Variants in GPHN observed in about 807,000 individuals in gnomAD.
GPHN encodes gephyrin.
GPHN carries 17 observed loss-of-function variants against 95.5 expected under a neutral mutation model. The ratio of observed to expected loss-of-function variants is 0.18; its 90% confidence interval spans 0.12 to 0.27. The LOEUF is 0.27. GPHN is among the 10% of genes least tolerant of loss of function. The probability of loss-of-function intolerance (pLI) is 1.00; values close to 1 mark genes in which losing one functional copy is unlikely to be tolerated. For missense variants in GPHN, 660 were observed against 978.1 expected (o/e 0.67, Z 4.34); for synonymous variants, 320 against 322.5 (o/e 0.99, Z 0.08).
chr14:66,690,272 T>A lies in GPHN; in HGVS notation c.143+9087T>A, dbSNP rs1214158609. 4.6e-5 allele frequency among the ~76,000 whole-genome samples: 7 copies of A among 152,272 alleles called. No homozygotes were observed. The East Asian group carries it at 1.2e-3, about 25-fold the overall frequency. On this transcript the variant is annotated intron_variant, in intron 2 of 22. Transcript: ENST00000478722. ...TTTCAAGAAATTTGAAATTTTTTTC[T>A]TAATTTTTTTATTGACCCACGTTCA...
chr14:67,472,714 G>A, the GPHN span: 1 of 152,874 alleles, frequency 6.5e-6, no homozygotes, highest in African/African-American at 2.4e-5. Context: ...TAGTGGTAAA[G>A]GCTTTGAAAA....
chr14:66,971,309 C>T (rs1011612641), intron 9 of GPHN, among the ~76,000 whole-genome samples: 1 of 152,082 alleles, frequency 6.6e-6, no homozygotes, highest in Non-Finnish European at 1.5e-5. Context: ...GCCTGGGCAA[C>T]GAGAACGAAA....
the GPHN span, among the ~76,000 whole-genome samples, chr14:67,723,408 A>AT: frequency 1.3e-5 from 2 of 152,048 alleles, no homozygotes; most frequent in South Asian, 2.1e-4. Flanking sequence ...TACTTTTTAA[A>AT]TTTTTTGTGG....
chr14:66,558,159 G>T (rs1451210370), intron 1 of GPHN, among the ~76,000 whole-genome samples: 3 of 152,098 alleles, frequency 2.0e-5, no homozygotes, highest in Non-Finnish European at 4.4e-5. Flanking sequence ...TGGGTCTCCA[G>T]TTGAAGAGTT....
At chr14:67,735,274 C>G in the GPHN span, 1 of 989,632 alleles carries the variant, frequency 1.0e-6, no homozygotes, top group South Asian at 1.3e-5. Flanking sequence ...CCTTCAGAAT[C>G]GCCTCGTGCT....
intron 18 of GPHN, among the ~76,000 whole-genome samples, chr14:67,148,547 G>T (rs990886195): frequency 1.4e-3 from 205 of 145,394 alleles, no homozygotes; most frequent in African/African-American, 5.0e-3. Context: ...ATAATTTTAA[G>T]ACTTTATTTG....
chr14:66,885,837 T>TAAAAAAAAAAA (rs1421887904), intron 5 of GPHN, among the ~76,000 whole-genome samples: 1 of 121,492 alleles, frequency 8.2e-6, no homozygotes. Context: ...TTATAACAAT[T>TAAAAAAAAAAA]TAAAAAAAAA....
chr14:67,430,610 T>C, the GPHN span, among the ~76,000 whole-genome samples: 2 of 151,828 alleles, frequency 1.3e-5, no homozygotes, highest in African/African-American at 4.8e-5. Flanking sequence ...ATCACGGGGA[T>C]AAGATCTGGA....
At chr14:67,454,511 A>G in the GPHN span, 3 of 152,066 alleles carry the variant, frequency 2.0e-5, no homozygotes, top group Non-Finnish European at 4.4e-5. Context: ...AACTCCGAAC[A>G]CTCATCCCAT....
intron 2 of GPHN, among the ~76,000 whole-genome samples, chr14:66,773,306 A>G (rs554053701): frequency 2.0e-5 from 3 of 151,998 alleles, no homozygotes; most frequent in African/African-American, 7.2e-5. Context: ...TGCCAATAAT[A>G]GACTTGCTTT....
intron 2 of GPHN, among the ~76,000 whole-genome samples, chr14:66,725,745 C>G (rs534501859): frequency 6.6e-6 from 1 of 152,342 alleles, no homozygotes; most frequent in East Asian, 1.9e-4. Context: ...ATACAGAATA[C>G]TGAATCCAGT....
intron 1 of GPHN, among the ~76,000 whole-genome samples, chr14:66,509,950 T>G (rs964172142): frequency 6.6e-6 from 1 of 152,198 alleles, no homozygotes; most frequent in Non-Finnish European, 1.5e-5. Flanking sequence ...TTTTTCTCTT[T>G]TAAGTAAAGG....
intron 22 of GPHN, 61 bp downstream of exon 22, chr14:67,179,735 A>G: frequency 6.9e-6 from 6 of 875,518 alleles, no homozygotes; most frequent in Non-Finnish European, 9.8e-6. Context: ...ACAAACTTAT[A>G]TATAATCTTC....
chr14:67,662,946 T>C, the GPHN span: 11 of 1,322,926 alleles, frequency 8.3e-6, no homozygotes, highest in Non-Finnish European at 1.1e-5. Context: ...AGTGACTCTC[T>C]GAAACCCCTC....
chr14:67,373,777 A>C, the GPHN span, among the ~76,000 whole-genome samples: 1 of 152,062 alleles, frequency 6.6e-6, no homozygotes, highest in Non-Finnish European at 1.5e-5. Context: ...GAAGATGTTT[A>C]AGCACCTAAC....
intron 5 of GPHN, among the ~76,000 whole-genome samples, chr14:66,895,252 G>A (rs571937777): frequency 9.2e-5 from 14 of 152,190 alleles, no homozygotes; most frequent in South Asian, 2.1e-4. Flanking sequence ...TCAGACTATC[G>A]CAAAAACAAA....
chr14:66,735,964 G>A (rs1280106595), intron 2 of GPHN, among the ~76,000 whole-genome samples: 1 of 151,976 alleles, frequency 6.6e-6, no homozygotes, highest in Non-Finnish European at 1.5e-5. Context: ...GGAACCAAAG[G>A]TCAAAAAAAT....
the GPHN span, among the ~76,000 whole-genome samples, chr14:67,420,122 A>G: frequency 6.6e-6 from 1 of 152,220 alleles, no homozygotes; most frequent in Non-Finnish European, 1.5e-5. Context: ...TGCAACAACC[A>G]TGGCATGCCC....
At chr14:67,409,033 G>C in the GPHN span, among the ~76,000 whole-genome samples, 1 of 146,628 alleles carries the variant, frequency 6.8e-6, no homozygotes, top group Non-Finnish European at 1.5e-5. Context: ...TGGGCAACAT[G>C]GTGAGACATT....
Sources: gnomAD v4.1 joint callset for allele counts (sites outside exome capture counted in the v4.1 genomes callset) on GRCh38, gnomAD v4.1.1 for gene constraint, MANE v1.5 for transcripts, NCBI Gene and HGNC (gene_info 2026-07-23, HGNC 2026-07-21) for gene names.